Variants in GIT2 observed in about 807,000 individuals in gnomAD.
GIT2 encodes GIT ArfGAP 2, also known as ARF GTPase-activating protein GIT2.
GIT2 carries 32 observed loss-of-function variants against 100.3 expected under a neutral mutation model. That is an observed-to-expected ratio of 0.32 (90% CI 0.24 to 0.43). The LOEUF (loss-of-function observed/expected upper bound fraction) is 0.43, where lower values mean the gene tolerates loss of function less well. Ranked by LOEUF, GIT2 falls within the 20% of genes least tolerant of loss-of-function variation. The pLI is 1.00. For missense variants in GIT2, 737 were observed against 975.1 expected (o/e 0.76, Z 3.25); for synonymous variants, 353 against 364.1 (o/e 0.97, Z 0.35).
chr12:109,993,529 C>T (rs1022068325), intron 1 of GIT2, among the ~76,000 whole-genome samples: 2 of 152,138 alleles, frequency 1.3e-5, no homozygotes, highest in Admixed American at 6.5e-5. Context: ...ACTTCTTGCA[C>T]AATGATCTCA....
Position 109,932,925 on chromosome 12 carries a change from G to T in GIT2, c.*53C>A. On this transcript the variant is annotated 3_prime_UTR_variant, in exon 20 of 20. Transcript: ENST00000355312. ...TCTGAAGAGTTCTGCGTCTGAATTT[G>T]AAATTGGACTTTATAAAGCCTAGAA... 1 of 1,006,584 alleles carries T rather than the reference G, an allele frequency of 9.9e-7. No individual in the cohort carries two copies. Among genetic ancestry groups the T allele is most frequent in the Non-Finnish European group, 1.6e-6 (1 of 630,802 alleles). 62.4% of individuals were successfully genotyped at this position (1,006,584 alleles called of 1,614,324 possible).
chr12:109,977,493 G>A (rs1202787084), intron 7 of GIT2, among the ~76,000 whole-genome samples: 2 of 150,126 alleles, frequency 1.3e-5, no homozygotes, highest in Non-Finnish European at 3.0e-5. Flanking sequence ...CCTAGGCGAT[G>A]GAGTGAGACC....
rs202084609 is a variant in GIT2 at position 109,988,930 on chromosome 12, G to A, written c.405+33C>T. ...ATAAAACAATATGCTGTCTCAGCCC[G>A]CTCTTTTAGGGATTTTAAAAGGTGT... On this transcript the variant is annotated intron_variant, in intron 4 of 19. Transcript: ENST00000355312. 1.3e-4 allele frequency: 144 copies of A among 1,140,838 alleles called. No homozygotes were observed. The Middle Eastern group carries it at 2.3e-3, about 18-fold the overall frequency. The allele number at this position is 1,140,838 out of a possible 1,614,324, so 70.7% of individuals were successfully genotyped here.
chr12:109,972,652 G>T (rs1232486920), intron 7 of GIT2, among the ~76,000 whole-genome samples: 1 of 151,494 alleles, frequency 6.6e-6, no homozygotes, highest in Non-Finnish European at 1.5e-5. Context: ...TAGTAGAGAC[G>T]GGGTTTCACC....
chr12:109,988,615 G>C (rs768641407), intron 4 of GIT2, among the ~76,000 whole-genome samples: 1 of 152,038 alleles, frequency 6.6e-6, no homozygotes, highest in Non-Finnish European at 1.5e-5. Flanking sequence ...AACACTAGGA[G>C]GCCGAGGCAG....
intron 1 of GIT2, 67 bp from the exon 2 acceptor site, chr12:109,991,827 G>A (rs16940760): frequency 0.048 from 67,719 of 1,410,106 alleles, 4,605 homozygotes; most frequent in African/African-American, 0.31. Context: ...GATGGCAAAA[G>A]ATGACTGAAG....
intron 1 of GIT2, chr12:109,992,029 A>T (rs1888491735): frequency 5.7e-6 from 2 of 348,064 alleles, no homozygotes; most frequent in Non-Finnish European, 5.2e-6. Flanking sequence ...TTGTAGCCCT[A>T]ATGTGGATCT....
chr12:109,998,769 T>C (rs1241091824), upstream of GIT2: 4 of 152,166 alleles, frequency 2.6e-5, no homozygotes, highest in Non-Finnish European at 5.9e-5. Context: ...AGGACGATTT[T>C]TCTCCCCGAG....
intron 7 of GIT2, 93 bp from the exon 8 acceptor site, chr12:109,967,596 C>T: frequency 5.6e-6 from 5 of 897,360 alleles, no homozygotes; most frequent in Middle Eastern, 3.0e-4. Flanking sequence ...CTAAGTTTTG[C>T]GATTAGTATT....
At chr12:109,963,487 A>G (rs1881552895) in intron 9 of GIT2, among the ~76,000 whole-genome samples, 1 of 152,262 alleles carries the variant, frequency 6.6e-6, no homozygotes, top group South Asian at 2.1e-4. Context: ...CTATGAAAAC[A>G]GGAACTACTA....
chr12:109,941,713 GT>G (rs1253927444), intron 16 of GIT2, among the ~76,000 whole-genome samples: 1 of 151,888 alleles, frequency 6.6e-6, no homozygotes, highest in African/African-American at 2.4e-5. Flanking sequence ...TAGAGATGGG[GT>G]TTCACTATGT....
chr12:109,986,540 G>A (rs1019521750), intron 4 of GIT2, among the ~76,000 whole-genome samples: 67 of 152,216 alleles, frequency 4.4e-4, no homozygotes, highest in African/African-American at 1.5e-3. Flanking sequence ...CGAGGTGGGC[G>A]GATCACGAGG....
At chr12:109,946,789 C>T (rs943945918) in intron 15 of GIT2, among the ~76,000 whole-genome samples, 1 of 152,176 alleles carries the variant, frequency 6.6e-6, no homozygotes, top group Admixed American at 6.5e-5. Context: ...GCCACAGACT[C>T]AAGGCCACCT....
intron 8 of GIT2, 149 bp downstream of exon 8, chr12:109,967,306 TTAC>T: frequency 1.3e-6 from 2 of 1,592,276 alleles, no homozygotes; most frequent in Non-Finnish European, 1.7e-6. Context: ...ATATAGTGGT[TTAC>T]TTACAGCCGT....
intron 4 of GIT2, among the ~76,000 whole-genome samples, chr12:109,986,475 C>CA (rs898252849): frequency 2.0e-5 from 3 of 152,072 alleles, no homozygotes; most frequent in African/African-American, 7.2e-5. Flanking sequence ...ACTAAAGATA[C>CA]AAAAAATGGC....
chr12:109,972,519 T>C (rs1033458499), intron 7 of GIT2, among the ~76,000 whole-genome samples: 1 of 151,270 alleles, frequency 6.6e-6, no homozygotes, highest in Non-Finnish European at 1.5e-5. Context: ...CCCAGGCAGG[T>C]GAGCAATGGC....
intron 6 of GIT2, 136 bp downstream of exon 6, chr12:109,983,237 G>A: frequency 2.5e-6 from 2 of 795,718 alleles, no homozygotes; most frequent in Non-Finnish European, 4.0e-6. Flanking sequence ...CATTTGAAAT[G>A]TCTTCATCTG....
chr12:109,947,794 G>A lies in GIT2; in HGVS notation c.1393-290C>T. The A allele has an allele frequency of 2.9e-6, 1 of 345,480 alleles. No homozygotes were observed. The highest frequency in any genetic ancestry group is 5.4e-6 in the Non-Finnish European group (1 of 185,708). The allele number at this position is 345,480 out of a possible 1,614,324, so 21.4% of individuals were successfully genotyped here. A position where few individuals can be genotyped will look rare whatever the true frequency, so the allele number is the denominator to read the frequency against. ...GTCTAACCACTTTAAAATTTGTCATGGTGGGGCTGGGAAATGTTTGCAGGC... is the reference window on the plus strand; with the variant it reads ...GTCTAACCACTTTAAAATTTGTCATAGTGGGGCTGGGAAATGTTTGCAGGC... On this transcript the variant is annotated intron_variant, in intron 14 of 19. Transcript: ENST00000355312. This position sits in a 1 kb window ranked among gnomAD's most constrained non-coding sequence, Gnocchi z 4.3.
At chr12:109,985,018 T>C (rs541363555) in intron 4 of GIT2, among the ~76,000 whole-genome samples, 18 of 152,334 alleles carry the variant, frequency 1.2e-4, no homozygotes, top group Non-Finnish European at 2.2e-4. Context: ...AAAGCTCTTA[T>C]ACAGTCAGAA....
Sources: allele counts gnomAD v4.1 joint callset (sites outside exome capture counted in the v4.1 genomes callset), GRCh38; gene constraint gnomAD v4.1.1; non-coding constraint Gnocchi (gnomAD v3.1); transcripts MANE v1.5; gene names NCBI Gene and HGNC (gene_info 2026-07-23, HGNC 2026-07-21).